OSGEP: variants seen among roughly 807,000 people sequenced by gnomAD.
The protein encoded by OSGEP is tRNA N6-adenosine threonylcarbamoyltransferase.
Under a neutral mutation model 44.1 loss-of-function variants are expected in OSGEP, and 39 were observed. The ratio of observed to expected loss-of-function variants is 0.88; its 90% CI spans 0.69 to 1.16. The LOEUF (loss-of-function observed/expected upper bound fraction) is 1.16, where lower values mean the gene tolerates loss of function less well. Among genes scored for constraint, OSGEP ranks in the 50% most tolerant of loss-of-function variants. The pLI is 0.00. For synonymous variants in OSGEP, 139 were observed against 161.9 expected (o/e 0.86, Z 1.07); for missense variants, 403 against 443.1 (o/e 0.91, Z 0.81).
Position 20,454,804 on chromosome 14 carries a change from G to C in OSGEP, c.-121C>G, listed in dbSNP as rs958831723. On this transcript the variant is annotated 5_prime_UTR_variant, in exon 1 of 11. In the 5' UTR this introduces an upstream ATG that the reference lacks. Coordinates refer to ENST00000206542, the MANE Select transcript of OSGEP (RefSeq NM_017807.4). ...CGCAGAGGAAGCTGGCCAGCCTGCA[G>C]ATAGCACTGGGAAAGACACCGCGGA... The C allele has an allele frequency of 1.7e-5, 12 of 699,004 alleles. No homozygotes were observed. The highest frequency in any genetic ancestry group is 5.4e-5 in the East Asian group (2 of 36,884). The allele number at this position is 699,004 out of a possible 1,614,324, so 43.3% of individuals were successfully genotyped here. A position where few individuals can be genotyped will look rare whatever the true frequency, so the allele number is the denominator to read the frequency against.
chr14:20,448,086 C>A lies in OSGEP; in HGVS notation c.702+20G>T. On this transcript the variant is annotated intron_variant, in intron 7 of 10. Coordinates refer to ENST00000206542, the MANE Select transcript of OSGEP (RefSeq NM_017807.4). Reference sequence around the variant, plus strand: ...AAACCTTCAGCCCCAACTTTCTGTCCCAGTTTTTTACTGCATTACCTGCAG... The same window carrying A: ...AAACCTTCAGCCCCAACTTTCTGTCACAGTTTTTTACTGCATTACCTGCAG... 2 of 1,609,056 alleles carry A rather than the reference C, an allele frequency of 1.2e-6. No individual in the cohort carries two copies. Among genetic ancestry groups the A allele is most frequent in the Non-Finnish European group, 1.7e-6 (2 of 1,175,376 alleles).
Position 20,454,602 on chromosome 14 carries a change from G to T in OSGEP, c.82C>A (p.Pro28Thr). The change falls in exon 1 of 11, where the codon CCG (proline) becomes ACG (threonine). Residue 28 changes from proline to threonine, a missense_variant. By Grantham distance (38) the Pro-to-Thr change is conservative (BLOSUM62 -1). Transcript: ENST00000206542. ...VVRDGKVLAN[P>T]RRTYVTPPGT... ...GGAGGCGTGACGTAAGTCCGCCGCG[G>T]GTTCGCCAGCACCTTGCCATCCCGC... 6.2e-7 allele frequency: 1 copy of T among 1,614,164 alleles called. No homozygotes were observed. Among genetic ancestry groups the T allele is most frequent in the Non-Finnish European group, 8.5e-7 (1 of 1,179,988 alleles).
In OSGEP at chr14:20,449,275, G is replaced by A. The variant is rs544299699; in HGVS notation, c.412-9C>T. On this transcript the variant is annotated splice_polypyrimidine_tract_variant and intron_variant, in intron 3 of 10. Coordinates refer to ENST00000206542, the MANE Select transcript of OSGEP (RefSeq NM_017807.4). ...TCCGAGTATGCAATCACCTAAGGGT[G>A]ATGAGGAAGTCCATGAAACCCCAAG... 93 of 1,554,378 alleles carry A rather than the reference G, an allele frequency of 6.0e-5. No individual in the cohort carries two copies. In the East Asian group the frequency reaches 1.8e-3, roughly 31 times the overall value.
rs1880975880 is a variant in OSGEP at position 20,447,466 on chromosome 14, C to T, written c.924G>A (p.Arg308=). 1.9e-6 allele frequency: 3 copies of T among 1,614,018 alleles called. No homozygotes were observed. The highest frequency in any genetic ancestry group is 1.7e-5 in the Admixed American group (1 of 59,998). ...MIAQAGWEMF[R]AGHRTPLSDS... ...CACTGAGTGGGGTCCTGTGTCCAGC[C>T]CGAAACATCTCCCAGCCAGCCTGGG... The change falls in exon 10 of 11, where the codon CGG becomes CGA. Residue 308 remains arginine (R), a synonymous_variant. Coordinates refer to ENST00000206542, the MANE Select transcript of OSGEP (RefSeq NM_017807.4).
intron 1 of OSGEP, 135 bp from the exon 2 acceptor site, chr14:20,452,583 A>G (rs2139294670): frequency 1.3e-6 from 1 of 770,480 alleles, no homozygotes; most frequent in Non-Finnish European, 2.1e-6. Context: ...TATCTTCCAC[A>G]TTTTCACATC....
In OSGEP at chr14:20,447,153, ACTC is replaced by A; in HGVS notation, c.*84_*86del. ...GCTTGGAGTCTATAGCTTTGCTAGG[ACTC>A]CCATGACATCAGGATAGAGATTGAG... On this transcript the variant is annotated 3_prime_UTR_variant, in exon 11 of 11. Coordinates refer to ENST00000206542, the MANE Select transcript of OSGEP (RefSeq NM_017807.4). The A allele has an allele frequency of 4.6e-6, 5 of 1,095,706 alleles. No homozygotes were observed. Among genetic ancestry groups the A allele is most frequent in the Non-Finnish European group, 7.0e-6 (5 of 711,200 alleles). The allele number at this position is 1,095,706 out of a possible 1,614,324, so 67.9% of individuals were successfully genotyped here. A position where few individuals can be genotyped will look rare whatever the true frequency, so the allele number is the denominator to read the frequency against.
intron 10 of OSGEP, 32 bp from the exon 11 acceptor site, chr14:20,447,311 G>A (rs1258780754): frequency 6.2e-7 from 1 of 1,613,708 alleles, no homozygotes; most frequent in Admixed American, 1.7e-5. Context: ...ATGGTGGAGA[G>A]CGAGCCCTTA....
At position 20,451,994 on chromosome 14, in the gene OSGEP, C is replaced by A. The variant is rs1881111964; in HGVS notation, c.391G>T (p.Val131Leu). 1 of 1,608,806 alleles carries A rather than the reference C, an allele frequency of 6.2e-7. No homozygotes were observed. Among genetic ancestry groups the A allele is most frequent in the East Asian group, 2.2e-5 (1 of 44,804 alleles). Reference protein sequence around the residue: ...TGATSPTVLYVSGGNTQVIAY... With the variant: ...TGATSPTVLYLSGGNTQVIAY... Reference sequence around the variant, plus strand: ...AATACCTGCGTATTTCCTCCACTCACATACAACACGGTTGGGCTGGTGGCT... The same window carrying A: ...AATACCTGCGTATTTCCTCCACTCAAATACAACACGGTTGGGCTGGTGGCT... Residue 131 changes from valine to leucine, a missense_variant, in exon 3 of 11, where the codon GTG (valine) becomes TTG (leucine). Transcript: ENST00000206542.
In OSGEP at chr14:20,447,895, A is replaced by G; in HGVS notation, c.793+9T>C. On this transcript the variant is annotated intron_variant, in intron 8 of 10. Transcript: ENST00000206542. ...ATAGGAAAGAGGAACACTTTTCAATAATACATACACCCCACTCCTCCCACA... is the reference window on the plus strand; with the variant it reads ...ATAGGAAAGAGGAACACTTTTCAATGATACATACACCCCACTCCTCCCACA... 2 of 1,583,778 alleles carry G rather than the reference A, an allele frequency of 1.3e-6. No homozygotes were observed. The highest frequency in any genetic ancestry group is 1.7e-6 in the Non-Finnish European group (2 of 1,152,310).
chr14:20,454,591 A>C lies in OSGEP; in HGVS notation c.93T>G (p.Thr31=). Residue 31 remains threonine, a synonymous_variant, in exon 1 of 11, where the codon ACT becomes ACG. Coordinates refer to ENST00000206542, the MANE Select transcript of OSGEP (RefSeq NM_017807.4). ...AACCTGTGCCAGGAGGCGTGACGTA[A>C]GTCCGCCGCGGGTTCGCCAGCACCT... ...DGKVLANPRR[T]YVTPPGTGFL... The C allele has an allele frequency of 6.2e-7, 1 of 1,613,914 alleles. No individual in the cohort carries two copies. The highest frequency in any genetic ancestry group is 8.5e-7 in the Non-Finnish European group (1 of 1,179,750).
At chr14:20,450,594 C>T (rs1881068957) in intron 3 of OSGEP, 1 of 152,266 alleles carries the variant, frequency 6.6e-6, no homozygotes, top group Non-Finnish European at 1.5e-5. Flanking sequence ...TGTATGTCAT[C>T]CTTCAGGCCT....
At chr14:20,448,846 A>ACAGT (rs769282012) in intron 5 of OSGEP, 35 bp from the exon 6 acceptor site, 16 of 1,592,934 alleles carry the variant, frequency 1.0e-5, no homozygotes, top group Non-Finnish European at 1.4e-5. Flanking sequence ...CACTAAGCCT[A>ACAGT]CAGTCAGCTG....
Position 20,454,595 on chromosome 14 carries a change from C to A in OSGEP, c.89G>T (p.Arg30Leu). 1 of 1,614,096 alleles carries A rather than the reference C, an allele frequency of 6.2e-7. No individual in the cohort carries two copies. Among genetic ancestry groups the A allele is most frequent in the Non-Finnish European group, 8.5e-7 (1 of 1,179,916 alleles). The change falls in exon 1 of 11, where the codon CGG (arginine) becomes CTG (leucine). Residue 30 changes from arginine (R) to leucine (L), a missense_variant. Physicochemically the swap from Arg to Leu is moderately radical, Grantham distance 102. Coordinates refer to ENST00000206542, the MANE Select transcript of OSGEP (RefSeq NM_017807.4). ...TGTGCCAGGAGGCGTGACGTAAGTC[C>A]GCCGCGGGTTCGCCAGCACCTTGCC... ...RDGKVLANPR[R>L]TYVTPPGTGF...
chr14:20,454,764 C>T lies in OSGEP; in HGVS notation c.-81G>A. The T allele has an allele frequency of 9.9e-7, 1 of 1,013,942 alleles. No individual in the cohort carries two copies. Among genetic ancestry groups the T allele is most frequent in the Non-Finnish European group, 1.5e-6 (1 of 665,806 alleles). 62.8% of individuals were successfully genotyped at this position (1,013,942 alleles called of 1,614,324 possible). On this transcript the variant is annotated 5_prime_UTR_variant, in exon 1 of 11. Transcript: ENST00000206542. ...AGGTCCTCACTAGTCCGCGCTGGGC[C>T]GCAGCTTTCCGGAGCGCAGAGGAAG... is the stretch of plus-strand genomic sequence containing the variant.
At chr14:20,453,655 A>T (rs1174119931) in intron 1 of OSGEP, among the ~76,000 whole-genome samples, 1 of 152,128 alleles carries the variant, frequency 6.6e-6, no homozygotes, top group Non-Finnish European at 1.5e-5. Context: ...GGCGTGAGCC[A>T]CCACGCCCAG....
At chr14:20,451,339 T>G (rs1881092828) in intron 3 of OSGEP, 3 of 296,142 alleles carry the variant, frequency 1.0e-5, no homozygotes, top group South Asian at 8.1e-5. Flanking sequence ...GGAGTTTTGC[T>G]CTTGTTGCCC....
Position 20,454,734 on chromosome 14 carries a change from TGTGG to T in OSGEP, c.-55_-52del. The T allele has an allele frequency of 1.5e-6, 2 of 1,379,286 alleles. No individual in the cohort carries two copies. The highest frequency in any genetic ancestry group is 2.1e-6 in the Non-Finnish European group (2 of 971,270). The allele number at this position is 1,379,286 out of a possible 1,614,324, so 85.4% of individuals were successfully genotyped here. A position where few individuals can be genotyped will look rare whatever the true frequency, so the allele number is the denominator to read the frequency against. ...CAGGACTCCTGGCAATGTCAGGAGC[TGTGG>T]AGGTCCTCACTAGTCCGCGCTGGGC... On this transcript the variant is annotated 5_prime_UTR_variant, in exon 1 of 11. Coordinates refer to ENST00000206542, the MANE Select transcript of OSGEP (RefSeq NM_017807.4).
In OSGEP at chr14:20,448,595, A is replaced by C. The variant is rs996359186; in HGVS notation, c.636+138T>G. On this transcript the variant is annotated intron_variant, in intron 6 of 10. Coordinates refer to ENST00000206542, the MANE Select transcript of OSGEP (RefSeq NM_017807.4). ...ATATTCAATGAATACCTTCTAAATGAATTTACCCAGCACATGATATGGACC... is the reference window on the plus strand; with the variant it reads ...ATATTCAATGAATACCTTCTAAATGCATTTACCCAGCACATGATATGGACC... 5.5e-5 allele frequency: 36 copies of C among 651,004 alleles called. No individual in the cohort carries two copies. The South Asian group carries it at 6.5e-4, about 12-fold the overall frequency. The allele number at this position is 651,004 out of a possible 1,614,324, so 40.3% of individuals were successfully genotyped here.
At chr14:20,447,374 T>G in intron 10 of OSGEP, 48 bp downstream of exon 10, 2 of 1,604,220 alleles carry the variant, frequency 1.2e-6, no homozygotes, top group Non-Finnish European at 1.7e-6. Flanking sequence ...CCTGCTGTTT[T>G]TGTCTATGTC....
Sources: gnomAD v4.1 joint callset for allele counts (sites outside exome capture counted in the v4.1 genomes callset) on GRCh38, gnomAD v4.1.1 for gene constraint, MANE v1.5 for transcripts, NCBI Gene and HGNC (gene_info 2026-07-23, HGNC 2026-07-21) for gene names.